The following ZNF43 variants were observed in gnomAD, a reference collection of about 807,000 sequenced individuals.
ZNF43 encodes zinc finger protein 43, also known as zinc finger protein 39-like 1 (KOX 27).
Under a neutral mutation model 68.4 loss-of-function variants are expected in ZNF43, and 44 were observed. The ratio of observed to expected loss-of-function variants is 0.64; its 90% CI spans 0.51 to 0.83. The LOEUF (loss-of-function observed/expected upper bound fraction) is 0.83. ZNF43 is among the 40% of genes least tolerant of loss of function. The pLI is 0.00. For synonymous variants in ZNF43, 308 were observed against 307.8 expected, an observed-to-expected ratio of 1.00 and a Z score of -0.01; for missense variants, 896 against 933.2, an observed-to-expected ratio of 0.96 and a Z score of 0.52.
At position 21,848,929 on chromosome 19, in the gene ZNF43, T is replaced by C. The variant is rs536451272; in HGVS notation, c.30+2976A>G. ...AAGGTAGACTTCTCATTGGTTCAGA[T>C]TGAAAAATTCTCACCTATGAACTAG... is the stretch of plus-strand genomic sequence containing the variant. On this transcript the variant is annotated intron_variant, in intron 1 of 3. Coordinates refer to the ZNF43 transcript ENST00000357491. Among the ~76,000 whole-genome samples the C allele has an allele frequency of 1.4e-3, 220 of 152,272 alleles. 1 individual carries two copies. Among genetic ancestry groups the C allele is most frequent in the Middle Eastern group, 6.8e-3 (2 of 294 alleles).
chr19:21,818,128 A>C lies in ZNF43; in HGVS notation c.131-142T>G, dbSNP rs1201437010. Reference sequence around the variant, plus strand: ...CTAATTTTTTTTTTTTTGGAGATGGAGTCTCAATCTGTCACCAAGGCTGGA... The same window carrying C: ...CTAATTTTTTTTTTTTTGGAGATGGCGTCTCAATCTGTCACCAAGGCTGGA... On this transcript the variant is annotated intron_variant, in intron 2 of 3. Coordinates refer to ENST00000354959, the MANE Select transcript of ZNF43 (RefSeq NM_003423.4). 4 of 850,432 alleles carry C rather than the reference A, an allele frequency of 4.7e-6. No individual in the cohort carries two copies. In the Admixed American group the frequency reaches 1.3e-4, roughly 27 times the overall value. The allele number at this position is 850,432 out of a possible 1,614,324, so 52.7% of individuals were successfully genotyped here.
At chr19:21,846,591 CA>C (rs1462810202) in intron 1 of ZNF43, among the ~76,000 whole-genome samples, 45 of 152,250 alleles carry the variant, frequency 3.0e-4, no homozygotes, top group Admixed American at 9.8e-4. Context: ...CAACATGTCA[CA>C]ATGTCTTATG....
Position 21,807,682 on chromosome 19 carries a change from A to C in ZNF43, c.2355T>G (p.Thr785=). The C allele has an allele frequency of 1.2e-6, 2 of 1,608,082 alleles. No individual in the cohort carries two copies. Among genetic ancestry groups the C allele is most frequent in the Admixed American group, 1.7e-5 (1 of 59,106 alleles). The change falls in exon 4 of 4, where the codon ACT becomes ACG. Residue 785 remains threonine, a synonymous_variant. Transcript: ENST00000354959. ...CTTCAGGTTTGTAGAGTTTCTCTCC[A>C]GTATGAATTTTGTTATGTGTAGTAA... ...SNLTTHNKIH[T]GEKLYKPEDV...
At position 21,849,488 on chromosome 19, in the gene ZNF43, C is replaced by CAAA. The variant is rs35354919; in HGVS notation, c.30+2414_30+2416dup. Among the ~76,000 whole-genome samples the CAAA allele has an allele frequency of 1.2e-3, 36 of 29,500 alleles. 1 individual carries two copies. Among genetic ancestry groups the CAAA allele is most frequent in the Non-Finnish European group, 1.6e-3 (25 of 15,162 alleles). The allele number at this position is 29,500 out of a possible 152,430, so 19.4% of individuals were successfully genotyped here. ...GGACAACAAGGGCAAAACCCTGCCT[C>CAAA]AAAAAAAAAAAAAAAAAAAAAAAAA... On this transcript the variant is annotated intron_variant, in intron 1 of 3. Transcript: ENST00000357491.
rs1262529843 is a variant in ZNF43, at chr19:21,827,457, GT to G, written c.4-8237del. On this transcript the variant is annotated intron_variant, in intron 1 of 3. Coordinates refer to ENST00000354959, the MANE Select transcript of ZNF43 (RefSeq NM_003423.4). ...GCTCACTGCAACCTCCGCCTCCCAG[GT>G]TTAAGTGATTCTCCTGCCTCAGCCT... 2.6e-5 allele frequency among the ~76,000 whole-genome samples: 4 copies of G among 151,964 alleles called. No individual in the cohort carries two copies. The East Asian group carries it at 7.8e-4, about 29-fold the overall frequency.
intron 1 of ZNF43, among the ~76,000 whole-genome samples, chr19:21,850,274 TG>T (rs1968257329): frequency 6.6e-6 from 1 of 152,180 alleles, no homozygotes; most frequent in African/African-American, 2.4e-5. Flanking sequence ...AGAAAGGGCC[TG>T]GGCAGGGCCA....
At chr19:21,818,053 G>C in intron 2 of ZNF43, 67 bp from the exon 3 acceptor site, 1 of 1,478,312 alleles carries the variant, frequency 6.8e-7, no homozygotes, top group African/African-American at 1.4e-5. Context: ...CTAGTAATGT[G>C]TCCAGTATGA....
At chr19:21,819,825 T>A (rs2037710985) in intron 1 of ZNF43, among the ~76,000 whole-genome samples, 1 of 152,118 alleles carries the variant, frequency 6.6e-6, no homozygotes, top group Non-Finnish European at 1.5e-5. Flanking sequence ...AAAAGACAGA[T>A]AAATGCAAAG....
At chr19:21,811,459 C>A (rs1459261601) in intron 3 of ZNF43, among the ~76,000 whole-genome samples, 1 of 150,660 alleles carries the variant, frequency 6.6e-6, no homozygotes, top group Non-Finnish European at 1.5e-5. Context: ...TGCTAGAACC[C>A]AAGAGGCAGA....
chr19:21,808,069 G>A lies in ZNF43; in HGVS notation c.1968C>T (p.Gly656=), dbSNP rs1183940496. 6.2e-7 allele frequency: 1 copy of A among 1,612,736 alleles called. No homozygotes were observed. Among genetic ancestry groups the A allele is most frequent in the Non-Finnish European group, 8.5e-7 (1 of 1,179,830 alleles). The stretch of plus-strand genomic sequence containing the variant: ...GGGTTGAGGACCACTTAAAGGCTTT[G>A]CCACATTCTTCACATTTGTAGGGTT... ...EEKPYKCEEC[G]KAFKWSSTLT... The change falls in exon 4 of 4, where the codon GGC becomes GGT. Residue 656 remains glycine, a synonymous_variant. Transcript: ENST00000354959.
intron 1 of ZNF43, among the ~76,000 whole-genome samples, chr19:21,832,837 T>C (rs1226710037): frequency 1.3e-5 from 2 of 151,846 alleles, no homozygotes; most frequent in Non-Finnish European, 2.9e-5. Flanking sequence ...TGCACTCTAG[T>C]GGGGCAACAG....
chr19:21,823,768 C>T (rs117783733), intron 1 of ZNF43, among the ~76,000 whole-genome samples: 5,297 of 152,018 alleles, frequency 0.035, 177 homozygotes, highest in South Asian at 0.15. Flanking sequence ...GGGGTTACAC[C>T]ATGTTGGTCA....
At chr19:21,810,398 A>G (rs1173227585) in intron 3 of ZNF43, among the ~76,000 whole-genome samples, 1 of 152,170 alleles carries the variant, frequency 6.6e-6, no homozygotes, top group African/African-American at 2.4e-5. Context: ...AAACTTTCTT[A>G]TTACCAAGAC....
chr19:21,827,049 TAGATG>T (rs967303298), intron 1 of ZNF43: 3 of 151,054 alleles, frequency 2.0e-5, no homozygotes, highest in East Asian at 1.9e-4. Flanking sequence ...AAACTTAGAT[TAGATG>T]AAAGATTGAT....
upstream of ZNF43, among the ~76,000 whole-genome samples, chr19:21,836,733 T>C (rs1967128054): frequency 6.6e-6 from 1 of 152,134 alleles, no homozygotes; most frequent in African/African-American, 2.4e-5. Context: ...CACTGGCATG[T>C]GGCCCCATGC....
intron 1 of ZNF43, among the ~76,000 whole-genome samples, chr19:21,835,115 G>C (rs1489040421): frequency 3.3e-5 from 5 of 149,960 alleles, no homozygotes; most frequent in African/African-American, 1.2e-4. Context: ...TGGGTGTGGT[G>C]GCAGGCACCT....
chr19:21,822,327 C>T (rs1568364448), intron 1 of ZNF43, among the ~76,000 whole-genome samples: 1 of 87,852 alleles, frequency 1.1e-5, no homozygotes, highest in East Asian at 3.3e-4. Flanking sequence ...TATCTTGAAC[C>T]TTTTATACTT....
intron 1 of ZNF43, among the ~76,000 whole-genome samples, chr19:21,824,070 T>TC (rs1284214445): frequency 6.6e-6 from 1 of 152,018 alleles, no homozygotes; most frequent in African/African-American, 2.4e-5. Flanking sequence ...GTGCCTGTAG[T>TC]CCCAGCTACT....
At chr19:21,816,068 A>AG (rs527324579) in intron 3 of ZNF43, among the ~76,000 whole-genome samples, 106 of 152,104 alleles carry the variant, frequency 7.0e-4, no homozygotes, top group African/African-American at 2.2e-3. Flanking sequence ...CGCAAAAAAA[A>AG]AAAAGAAAAG....
Sources: gnomAD v4.1 joint callset for allele counts (sites outside exome capture counted in the v4.1 genomes callset) on GRCh38, gnomAD v4.1.1 for gene constraint, MANE v1.5 for transcripts, NCBI Gene and HGNC (gene_info 2026-07-23, HGNC 2026-07-21) for gene names.